The following FARS2 variants were observed in gnomAD, a reference collection of about 807,000 sequenced individuals.
FARS2 encodes phenylalanine--tRNA ligase, mitochondrial.
FARS2 carries 40 observed loss-of-function variants against 46.4 expected under a neutral mutation model. The observed-to-expected ratio is 0.86, with a 90% CI of 0.67 to 1.12. The LOEUF (loss-of-function observed/expected upper bound fraction) is 1.12, where lower values mean the gene tolerates loss of function less well. Ranked by LOEUF, FARS2 falls within the 50% of genes most tolerant of loss-of-function variation. The pLI is 0.00. For missense variants in FARS2, 513 were observed against 567.9 expected, an observed-to-expected ratio of 0.90 and a Z score of 0.98; for synonymous variants, 234 against 214.9, an observed-to-expected ratio of 1.09 and a Z score of -0.78.
At chr6:5,255,454 T>C in the FARS2 span, among the ~76,000 whole-genome samples, 2 of 152,154 alleles carry the variant, frequency 1.3e-5, no homozygotes, top group Admixed American at 6.5e-5. Flanking sequence ...AAAAGTGTTA[T>C]TTAACATAAT....
chr6:5,563,684 T>A (rs1561715955), intron 5 of FARS2, among the ~76,000 whole-genome samples: 2 of 152,156 alleles, frequency 1.3e-5, no homozygotes, highest in Non-Finnish European at 2.9e-5. Context: ...CATGTGTGTG[T>A]GGTTCAGCTT....
At chr6:5,608,247 C>T (rs1774960934) in intron 5 of FARS2, among the ~76,000 whole-genome samples, 1 of 152,162 alleles carries the variant, frequency 6.6e-6, no homozygotes, top group South Asian at 2.1e-4. Context: ...ATGTCCAAGT[C>T]ATATGCCTGG....
intron 2 of FARS2, 25 bp downstream of exon 2, chr6:5,369,207 G>C: frequency 6.3e-7 from 1 of 1,592,434 alleles, no homozygotes; most frequent in Non-Finnish European, 8.5e-7. Context: ...GTTTCTCATC[G>C]CTGAAGGATG....
chr6:5,402,549 T>A (rs1225519805), intron 2 of FARS2, among the ~76,000 whole-genome samples: 1 of 152,178 alleles, frequency 6.6e-6, no homozygotes, highest in Non-Finnish European at 1.5e-5. Flanking sequence ...TGCCCTCTTC[T>A]GTTAGTGTAG....
At chr6:5,497,685 T>C (rs1767553858) in intron 4 of FARS2, among the ~76,000 whole-genome samples, 2 of 152,360 alleles carry the variant, frequency 1.3e-5, no homozygotes, top group Non-Finnish European at 1.5e-5. Context: ...GTTCTCTAAA[T>C]ATATGTAAAA....
rs187089983 is a variant in FARS2 at position 5,454,647 on chromosome 6, T to G, written c.904+23475T>G. 6.6e-5 allele frequency among the ~76,000 whole-genome samples: 10 copies of G among 152,188 alleles called. No homozygotes were observed. In the East Asian group the frequency reaches 1.9e-3, roughly 29 times the overall value. ...GCGTGAGCCACTGAGCCTGGCCTTG[T>G]TTTTTAAGGAATAATCTTTTAACAG... On this transcript the variant is annotated intron_variant, in intron 4 of 6. Coordinates refer to ENST00000274680, the MANE Select transcript of FARS2 (RefSeq NM_006567.5).
intron 1 of FARS2, among the ~76,000 whole-genome samples, chr6:5,267,604 A>T (rs1320333982): frequency 6.6e-6 from 1 of 151,964 alleles, no homozygotes; most frequent in African/African-American, 2.4e-5. Context: ...TACAAAAAAA[A>T]TTAGCCGGAT....
intron 5 of FARS2, among the ~76,000 whole-genome samples, chr6:5,596,332 C>T (rs1235959190): frequency 3.3e-5 from 5 of 152,152 alleles, no homozygotes; most frequent in East Asian, 3.9e-4. Flanking sequence ...GCTTCTGCAC[C>T]CCCTTTCCCC....
intron 4 of FARS2, among the ~76,000 whole-genome samples, chr6:5,479,487 T>C (rs554824786): frequency 6.6e-6 from 1 of 152,240 alleles, no homozygotes; most frequent in Non-Finnish European, 1.5e-5. Context: ...AGTCTCCAGA[T>C]AGTCATCTAG....
At position 5,368,632 on chromosome 6, in the gene FARS2, G is replaced by A; in HGVS notation, c.62G>A (p.Ser21Asn). The change falls in exon 2 of 7, where the codon AGT (serine) becomes AAT (asparagine). Residue 21 changes from serine to asparagine, a missense_variant. Coordinates refer to ENST00000274680, the MANE Select transcript of FARS2 (RefSeq NM_006567.5). ...TATGTCTACCTGGTGAGTAAGGCCA[G>A]TCACATCTCCAGAGGCCATCAGCAC... ...HAYVYLVSKA[S>N]HISRGHQHQA... 2 of 1,614,178 alleles carry A rather than the reference G, an allele frequency of 1.2e-6. No homozygotes were observed. Among genetic ancestry groups the A allele is most frequent in the South Asian group, 1.1e-5 (1 of 91,088 alleles).
intron 4 of FARS2, among the ~76,000 whole-genome samples, chr6:5,524,934 G>A (rs1769367286): frequency 6.6e-6 from 1 of 152,178 alleles, no homozygotes; most frequent in South Asian, 2.1e-4. Flanking sequence ...AAACCCTGGT[G>A]ACTCTACAGT....
At chr6:5,469,349 G>A (rs1273600268) in intron 4 of FARS2, among the ~76,000 whole-genome samples, 2 of 152,178 alleles carry the variant, frequency 1.3e-5, no homozygotes, top group East Asian at 1.9e-4. Flanking sequence ...CCCATTGTGC[G>A]GAGCCCCGCC....
rs144112442 is a variant in FARS2, at chr6:5,290,075, T to G, written c.-22+28415T>G. On this transcript the variant is annotated intron_variant, in intron 1 of 6. Coordinates refer to ENST00000274680, the MANE Select transcript of FARS2 (RefSeq NM_006567.5). ...GGTGTTTTAAAGTGTAAAATAGTTTTGGACAGAAATAAGAAATAGCTTGCT... is the reference window on the plus strand; with the variant it reads ...GGTGTTTTAAAGTGTAAAATAGTTTGGGACAGAAATAAGAAATAGCTTGCT... Among the ~76,000 whole-genome samples, 6 of 152,342 alleles carry G rather than the reference T, an allele frequency of 3.9e-5. No individual in the cohort carries two copies. The East Asian group carries it at 1.2e-3, about 29-fold the overall frequency.
intron 6 of FARS2, among the ~76,000 whole-genome samples, chr6:5,621,857 C>A (rs1253114302): frequency 6.6e-6 from 1 of 152,184 alleles, no homozygotes; most frequent in Non-Finnish European, 1.5e-5. Flanking sequence ...GGCCAGAGAC[C>A]CTCAGCCTCT....
At chr6:5,711,810 A>G (rs1759189705) in intron 6 of FARS2, among the ~76,000 whole-genome samples, 1 of 152,020 alleles carries the variant, frequency 6.6e-6, no homozygotes, top group Admixed American at 6.5e-5. Flanking sequence ...GGACAGGAAG[A>G]GGACAGCAGG....
At chr6:5,432,004 A>G (rs977423518) in intron 4 of FARS2, among the ~76,000 whole-genome samples, 2 of 151,640 alleles carry the variant, frequency 1.3e-5, no homozygotes, top group Admixed American at 6.6e-5. Context: ...TTTAATTAAA[A>G]AATTTAATAT....
chr6:5,635,513 C>T (rs1582638411), intron 6 of FARS2, among the ~76,000 whole-genome samples: 1 of 152,066 alleles, frequency 6.6e-6, no homozygotes, highest in African/African-American at 2.4e-5. Flanking sequence ...TTTTTAACAC[C>T]TTAAGGAAAA....
In FARS2 at chr6:5,405,480, C is replaced by CTTTTTTT. The variant is rs398000284; in HGVS notation, c.772+798_772+804dup. Among the ~76,000 whole-genome samples the CTTTTTTT allele has an allele frequency of 6.4e-4, 38 of 58,952 alleles. 5 individuals are homozygous for CTTTTTTT. Among genetic ancestry groups the CTTTTTTT allele is most frequent in the African/African-American group, 2.1e-3 (33 of 15,400 alleles). The allele number at this position is 58,952 out of a possible 152,430, so 38.7% of individuals were successfully genotyped here. Reference sequence around the variant, plus strand: ...AGGACGTGATCAGTGGAGCAAGGTTCTTTTTTTTTTTTTTTTTTTTTTTTT... The same window carrying CTTTTTTT: ...AGGACGTGATCAGTGGAGCAAGGTTCTTTTTTTTTTTTTTTTTTTTTTTTTTTTTTTT... On this transcript the variant is annotated intron_variant, in intron 3 of 6. Transcript: ENST00000274680.
At chr6:5,297,667 A>G (rs905119930) in intron 1 of FARS2, among the ~76,000 whole-genome samples, 1 of 152,146 alleles carries the variant, frequency 6.6e-6, no homozygotes, top group African/African-American at 2.4e-5. Context: ...AAAAATAAAA[A>G]AAAACCCAAA....
Sources: gnomAD v4.1 joint callset for allele counts (sites outside exome capture counted in the v4.1 genomes callset) on GRCh38, gnomAD v4.1.1 for gene constraint, MANE v1.5 for transcripts, NCBI Gene and HGNC (gene_info 2026-07-23, HGNC 2026-07-21) for gene names.